ANKRD44: variants seen among roughly 807,000 people sequenced by gnomAD.
ANKRD44 encodes the protein ankyrin repeat domain 44.
In ANKRD44, 35 loss-of-function variants were observed where a neutral mutation model predicts 116.0. The observed-to-expected ratio is 0.30, with a 90% CI of 0.23 to 0.40. The LOEUF (loss-of-function observed/expected upper bound fraction) is 0.40, where lower values mean the gene tolerates loss of function less well. Among genes scored for constraint, ANKRD44 ranks in the 10% least tolerant of loss-of-function variants. ANKRD44 has a pLI of 1.00. For missense variants in ANKRD44, 1,014 were observed against 1,242.6 expected (o/e 0.82, Z 2.77); for synonymous variants, 435 against 461.8 (o/e 0.94, Z 0.74).
chr2:197,169,597 C>T (rs2080178053), intron 2 of ANKRD44, among the ~76,000 whole-genome samples: 1 of 152,190 alleles, frequency 6.6e-6, no homozygotes, highest in African/African-American at 2.4e-5. Flanking sequence ...GTTTTCCTCC[C>T]AGTTGACCAC....
chr2:197,101,542 C>T (rs1340206016), intron 9 of ANKRD44, among the ~76,000 whole-genome samples: 1 of 152,030 alleles, frequency 6.6e-6, no homozygotes, highest in Non-Finnish European at 1.5e-5. Context: ...GCACTGGATG[C>T]CACTGAACTG....
intron 16 of ANKRD44, among the ~76,000 whole-genome samples, chr2:197,049,723 C>G (rs1474471470): frequency 6.6e-6 from 1 of 151,958 alleles, no homozygotes; most frequent in Non-Finnish European, 1.5e-5. Flanking sequence ...CTGAAGTGAC[C>G]CTCCAGTCTC....
Position 197,212,163 on chromosome 2 carries a change from A to C in ANKRD44, c.28-25057T>G, listed in dbSNP as rs1260691407. Among the ~76,000 whole-genome samples the C allele has an allele frequency of 6.6e-6, 1 of 152,122 alleles. No homozygotes were observed. Among genetic ancestry groups the C allele is most frequent in the African/African-American group, 2.4e-5 (1 of 41,428 alleles). The stretch of plus-strand genomic sequence containing the variant: ...ACAAGGAGGGACTTTCTGGTGGATC[A>C]AAGTATGCTAGAGATCAGGCAGTAC... On this transcript the variant is annotated intron_variant, in intron 1 of 27. Coordinates refer to ENST00000282272, the MANE Select transcript of ANKRD44 (RefSeq NM_001195144.2). This position sits in a 1 kb window ranked among gnomAD's most constrained non-coding sequence, Gnocchi z 4.8.
intron 21 of ANKRD44, among the ~76,000 whole-genome samples, chr2:196,973,269 T>G (rs970467967): frequency 6.6e-6 from 1 of 152,142 alleles, no homozygotes; most frequent in Non-Finnish European, 1.5e-5. Context: ...ATCCTTTTCC[T>G]ATTTTTAAAA....
intron 2 of ANKRD44, among the ~76,000 whole-genome samples, chr2:197,172,894 C>A (rs2080276017): frequency 6.6e-6 from 1 of 152,130 alleles, no homozygotes; most frequent in African/African-American, 2.4e-5. Context: ...ATAGTCCCAA[C>A]CCCTAGCACA....
chr2:196,981,224 C>T (rs1395963116), intron 21 of ANKRD44, among the ~76,000 whole-genome samples: 1 of 152,180 alleles, frequency 6.6e-6, no homozygotes, highest in Non-Finnish European at 1.5e-5. Context: ...TTTTCACTTT[C>T]TTCCTTACCC....
At chr2:197,034,622 A>G (rs553899867) in intron 16 of ANKRD44, among the ~76,000 whole-genome samples, 1 of 151,946 alleles carries the variant, frequency 6.6e-6, no homozygotes, top group East Asian at 1.9e-4. Flanking sequence ...TTTTAAGCCC[A>G]AATTACTTCT....
At chr2:197,142,988 A>T (rs1017848537) in intron 3 of ANKRD44, among the ~76,000 whole-genome samples, 1 of 151,482 alleles carries the variant, frequency 6.6e-6, no homozygotes, top group Non-Finnish European at 1.5e-5. Context: ...AAGAAAAAAA[A>T]AAAAGTAAAT....
chr2:197,219,431 T>C (rs1473553741), intron 1 of ANKRD44, among the ~76,000 whole-genome samples: 1 of 152,188 alleles, frequency 6.6e-6, no homozygotes, highest in Admixed American at 6.5e-5. Flanking sequence ...CACACTAACA[T>C]TGTTATATGA....
At chr2:197,296,217 T>C (rs1428397841) in intron 1 of ANKRD44, 3 of 152,124 alleles carry the variant, frequency 2.0e-5, no homozygotes, top group Non-Finnish European at 4.4e-5. Flanking sequence ...CTTCCCACTG[T>C]GTAAAATAAT....
At chr2:197,283,171 A>G (rs1574439259) in intron 1 of ANKRD44, among the ~76,000 whole-genome samples, 1 of 152,198 alleles carries the variant, frequency 6.6e-6, no homozygotes, top group Non-Finnish European at 1.5e-5. Context: ...TGGAGGCTGG[A>G]GAGAGAAGTT....
intron 14 of ANKRD44, among the ~76,000 whole-genome samples, 170 bp from the exon 15 acceptor site, chr2:197,081,895 G>A (rs2077806713): frequency 6.6e-6 from 1 of 152,180 alleles, no homozygotes; most frequent in Non-Finnish European, 1.5e-5. Context: ...AAGCCATCCA[G>A]TAAATCTATT....
At chr2:196,994,791 G>A (rs1048446240) in intron 26 of ANKRD44, 1 of 152,486 alleles carries the variant, frequency 6.6e-6, no homozygotes, top group Non-Finnish European at 1.5e-5. Flanking sequence ...CCAAAGTGCT[G>A]GGATTAAAGG....
chr2:196,989,872 G>A, intron 27 of ANKRD44: 1 of 1,200,934 alleles, frequency 8.3e-7, no homozygotes, highest in Non-Finnish European at 1.0e-6. Context: ...TTAAAAGTTA[G>A]TATTTTGATT....
At chr2:197,156,117 C>A (rs190902603) in intron 2 of ANKRD44, among the ~76,000 whole-genome samples, 5 of 152,280 alleles carry the variant, frequency 3.3e-5, no homozygotes, top group African/African-American at 9.6e-5. Context: ...GAGGCCAAGG[C>A]GGGCGGATCA....
intron 16 of ANKRD44, among the ~76,000 whole-genome samples, chr2:197,063,990 A>T (rs1288799669): frequency 1.3e-5 from 2 of 152,194 alleles, no homozygotes; most frequent in Non-Finnish European, 2.9e-5. Flanking sequence ...ACTCCAAGAC[A>T]CATAATTGTC....
chr2:197,136,360 G>A (rs1018763754), intron 4 of ANKRD44: 2 of 546,882 alleles, frequency 3.7e-6, no homozygotes, highest in Non-Finnish European at 3.3e-6. Context: ...AGAACTCATT[G>A]AAATTCAGGA....
intron 1 of ANKRD44, among the ~76,000 whole-genome samples, chr2:197,240,792 C>G (rs925639501): frequency 6.8e-6 from 1 of 146,660 alleles, no homozygotes; most frequent in African/African-American, 2.5e-5. Flanking sequence ...ATAACCAAAT[C>G]TCACAGTTCG....
chr2:197,194,663 C>T (rs1194973920), intron 1 of ANKRD44, among the ~76,000 whole-genome samples: 2 of 152,068 alleles, frequency 1.3e-5, no homozygotes, highest in African/African-American at 4.8e-5. Context: ...GAAAAAGCTG[C>T]CATATATGAG....
Sources: gnomAD v4.1 joint callset for allele counts (sites outside exome capture counted in the v4.1 genomes callset) on GRCh38, gnomAD v4.1.1 for gene constraint, Gnocchi (gnomAD v3.1) non-coding constraint, MANE v1.5 for transcripts, NCBI Gene and HGNC (gene_info 2026-07-23, HGNC 2026-07-21) for gene names.